Variants in TCF4 observed in about 807,000 individuals in gnomAD.
The protein encoded by TCF4 is SL3-3 enhancer factor 2.
A neutral mutation model predicts 82.1 loss-of-function variants in TCF4; 3 were observed. That is an observed-to-expected ratio of 0.04 (90% CI 0.02 to 0.09). The LOEUF (loss-of-function observed/expected upper bound fraction) is 0.09, where lower values mean the gene tolerates loss of function less well. TCF4 is among the 10% of genes least tolerant of loss of function. TCF4 has a pLI of 1.00. For missense variants in TCF4, 518 were observed against 852.7 expected (o/e 0.61, Z 4.89); for synonymous variants, 276 against 309.6 (o/e 0.89, Z 1.14).
chr18:55,624,311 T>A (rs1044441573), intron 2 of TCF4, among the ~76,000 whole-genome samples: 1 of 151,880 alleles, frequency 6.6e-6, no homozygotes, highest in Non-Finnish European at 1.5e-5. Context: ...GCAAGGTAGA[T>A]TATTTAATAA....
intron 8 of TCF4, among the ~76,000 whole-genome samples, chr18:55,285,539 T>C (rs1361262979): frequency 6.6e-6 from 1 of 152,214 alleles, no homozygotes; most frequent in Non-Finnish European, 1.5e-5. Flanking sequence ...TCAACCAAAG[T>C]TAAATAAAAT....
chr18:55,407,147 T>C (rs1256726414), intron 5 of TCF4, among the ~76,000 whole-genome samples: 2 of 152,186 alleles, frequency 1.3e-5, no homozygotes, highest in Admixed American at 1.3e-4. Flanking sequence ...TGATTCATTT[T>C]TATACCTAAA....
At chr18:55,556,887 A>G (rs1259748127) in intron 3 of TCF4, among the ~76,000 whole-genome samples, 1 of 152,214 alleles carries the variant, frequency 6.6e-6, no homozygotes, top group East Asian at 1.9e-4. Flanking sequence ...TGACAGGTTA[A>G]TATAATCTAA....
At chr18:55,402,282 AC>A (rs2093864548) in intron 6 of TCF4, 2 of 952,826 alleles carry the variant, frequency 2.1e-6, no homozygotes, top group Non-Finnish European at 2.5e-6. Flanking sequence ...AAACACACCA[AC>A]CCACCAGAAG....
At chr18:55,340,583 CAAAAAAA>C (rs11428164) in intron 8 of TCF4, among the ~76,000 whole-genome samples, 1 of 65,454 alleles carries the variant, frequency 1.5e-5, no homozygotes, top group Non-Finnish European at 2.7e-5. Flanking sequence ...GACCCCATCT[CAAAAAAA>C]AAAAAAAAAA....
At chr18:55,333,322 C>A (rs1388872299) in intron 8 of TCF4, among the ~76,000 whole-genome samples, 1 of 151,996 alleles carries the variant, frequency 6.6e-6, no homozygotes, top group East Asian at 1.9e-4. Flanking sequence ...TCTTATTCTC[C>A]TTATATTCCT....
chr18:55,600,074 A>G (rs1219532377), intron 2 of TCF4, among the ~76,000 whole-genome samples: 1 of 151,940 alleles, frequency 6.6e-6, no homozygotes, highest in Non-Finnish European at 1.5e-5. Context: ...GCTGTGTAAT[A>G]CTCCATTGTA....
chr18:55,277,602 ATTTTT>A (rs11292069), intron 9 of TCF4, among the ~76,000 whole-genome samples: 2 of 122,238 alleles, frequency 1.6e-5, no homozygotes. Flanking sequence ...TGTCAACTCA[ATTTTT>A]TTTTTTTTTT....
chr18:55,388,386 T>C (rs901473053), intron 6 of TCF4, among the ~76,000 whole-genome samples: 4 of 152,214 alleles, frequency 2.6e-5, no homozygotes, highest in African/African-American at 9.6e-5. Context: ...GTACCACTGA[T>C]GGGCAATAGA....
At position 55,434,972 on chromosome 18, in the gene TCF4, C is replaced by T. The variant is rs191925530; in HGVS notation, c.304+26047G>A. Among the ~76,000 whole-genome samples the T allele has an allele frequency of 5.5e-4, 84 of 152,096 alleles. 1 individual carries two copies. The highest frequency in any genetic ancestry group is 3.4e-3 in the Middle Eastern group (1 of 294). On this transcript the variant is annotated intron_variant, in intron 5 of 19. Transcript: ENST00000354452. ...ACTCTTCCAGTTATTTTTAAATGTA[C>T]TATTAAATTATTATTGATTATAATC...
At chr18:55,291,386 T>G (rs1057262794) in intron 8 of TCF4, among the ~76,000 whole-genome samples, 4 of 152,190 alleles carry the variant, frequency 2.6e-5, no homozygotes, top group African/African-American at 9.6e-5. Flanking sequence ...AACAGATGCC[T>G]TCATCTTCTG....
intron 5 of TCF4, among the ~76,000 whole-genome samples, chr18:55,428,825 T>G (rs2095083676): frequency 6.6e-6 from 1 of 152,178 alleles, no homozygotes; most frequent in Non-Finnish European, 1.5e-5. Context: ...AGTTGGAGCC[T>G]TATTGCCTTG....
chr18:55,544,268 T>C (rs2097187370), intron 3 of TCF4, among the ~76,000 whole-genome samples: 2 of 152,328 alleles, frequency 1.3e-5, no homozygotes, highest in African/African-American at 2.4e-5. Flanking sequence ...ATAATATTTG[T>C]TATGCACTTC....
chr18:55,412,133 G>C (rs998021883), intron 5 of TCF4, among the ~76,000 whole-genome samples: 1 of 152,088 alleles, frequency 6.6e-6, no homozygotes, highest in Non-Finnish European at 1.5e-5. Context: ...AGCTCTATAG[G>C]TTACATTAGC....
intron 3 of TCF4, among the ~76,000 whole-genome samples, chr18:55,477,889 G>A (rs1165913292): frequency 6.6e-6 from 1 of 152,154 alleles, no homozygotes; most frequent in African/African-American, 2.4e-5. Flanking sequence ...CAACTTGGAT[G>A]CATCCTGCCT....
At chr18:55,481,549 A>G (rs571499038) in intron 3 of TCF4, among the ~76,000 whole-genome samples, 2 of 152,380 alleles carry the variant, frequency 1.3e-5, no homozygotes, top group South Asian at 2.1e-4. Context: ...ACAAAAGTGA[A>G]GAACACCTGG....
At chr18:55,437,782 A>G (rs1400717390) in intron 5 of TCF4, among the ~76,000 whole-genome samples, 1 of 152,218 alleles carries the variant, frequency 6.6e-6, no homozygotes, top group East Asian at 1.9e-4. Context: ...AGAACTGCAA[A>G]GTGCAATCTT....
At chr18:55,448,004 A>T (rs2958173) in intron 5 of TCF4, among the ~76,000 whole-genome samples, 1 of 138,066 alleles carries the variant, frequency 7.2e-6, no homozygotes, top group Non-Finnish European at 1.5e-5. Context: ...GGGGGATGAT[A>T]TGGGGGGGGA....
chr18:55,553,448 T>C (rs1239929471), intron 3 of TCF4: 2 of 152,148 alleles, frequency 1.3e-5, no homozygotes, highest in African/African-American at 4.8e-5. Flanking sequence ...TGCCCTAGAA[T>C]ACATAATGAT....
Sources: allele counts gnomAD v4.1 joint callset (sites outside exome capture counted in the v4.1 genomes callset), GRCh38; gene constraint gnomAD v4.1.1; transcripts MANE v1.5; gene names NCBI Gene and HGNC (gene_info 2026-07-23, HGNC 2026-07-21).